EPHA6: variants seen among roughly 807,000 people sequenced by gnomAD.
The protein encoded by EPHA6 is EPH receptor A6, also known as ephrin type-A receptor 6.
Under a neutral mutation model 112.0 loss-of-function variants are expected in EPHA6, and 50 were observed. That is an observed-to-expected ratio of 0.45 (90% CI 0.36 to 0.56). The LOEUF (loss-of-function observed/expected upper bound fraction) is 0.56. EPHA6 is among the 20% of genes least tolerant of loss of function. The probability of loss-of-function intolerance (pLI) is 0.00; values close to 1 mark genes in which losing one functional copy is unlikely to be tolerated. For synonymous variants in EPHA6, 529 were observed against 490.7 expected (o/e 1.08, Z -1.03); for missense variants, 1,280 against 1,417.4 (o/e 0.90, Z 1.56).
intron 2 of EPHA6, among the ~76,000 whole-genome samples, chr3:96,975,952 G>A (rs1201642666): frequency 6.6e-6 from 1 of 151,966 alleles, no homozygotes; most frequent in African/African-American, 2.4e-5. Context: ...TTCTTAAAAA[G>A]CATACATGTG....
At chr3:97,020,058 G>T (rs1356238551) in intron 3 of EPHA6, among the ~76,000 whole-genome samples, 1 of 152,156 alleles carries the variant, frequency 6.6e-6, no homozygotes. Context: ...AGTCTAAGTT[G>T]TAGTATGCCA....
chr3:97,388,197 G>A (rs1252052524), intron 5 of EPHA6, among the ~76,000 whole-genome samples: 2 of 152,146 alleles, frequency 1.3e-5, no homozygotes, highest in Non-Finnish European at 2.9e-5. Flanking sequence ...TTTGATACAT[G>A]TATTTCAGTC....
chr3:97,501,832 T>A (rs1190556076), intron 10 of EPHA6, among the ~76,000 whole-genome samples: 3 of 151,876 alleles, frequency 2.0e-5, no homozygotes, highest in African/African-American at 7.3e-5. Flanking sequence ...ATGGTAAAGA[T>A]AAGATCAAAA....
chr3:97,580,126 A>G (rs984148085), intron 11 of EPHA6, among the ~76,000 whole-genome samples: 1 of 152,218 alleles, frequency 6.6e-6, no homozygotes, highest in African/African-American at 2.4e-5. Context: ...ATAATTTGTT[A>G]AATAATACTT....
intron 14 of EPHA6, among the ~76,000 whole-genome samples, chr3:97,699,600 C>T (rs972988768): frequency 5.3e-5 from 8 of 152,126 alleles, no homozygotes; most frequent in Admixed American, 1.3e-4. Context: ...TTTACTGCAC[C>T]GTGTGGTGGG....
chr3:96,898,075 C>T (rs2038380905), intron 2 of EPHA6, among the ~76,000 whole-genome samples: 1 of 152,028 alleles, frequency 6.6e-6, no homozygotes, highest in East Asian at 1.9e-4. Flanking sequence ...TTTAAGAAAT[C>T]AATGTTGTTG....
intron 2 of EPHA6, among the ~76,000 whole-genome samples, chr3:96,878,339 T>TGA (rs939898986): frequency 6.6e-6 from 1 of 150,748 alleles, no homozygotes; most frequent in African/African-American, 2.4e-5. Context: ...ACAGAAAGAT[T>TGA]GAGAGAGAGA....
intron 6 of EPHA6, among the ~76,000 whole-genome samples, chr3:97,442,919 C>T (rs2090188289): frequency 6.6e-6 from 1 of 152,072 alleles, no homozygotes; most frequent in Non-Finnish European, 1.5e-5. Flanking sequence ...TGTGAAATAT[C>T]TTCCTTTCAT....
At chr3:96,834,164 A>G (rs1447198052) in intron 1 of EPHA6, among the ~76,000 whole-genome samples, 1 of 152,012 alleles carries the variant, frequency 6.6e-6, no homozygotes, top group African/African-American at 2.4e-5. Context: ...GATGATGACC[A>G]TTTACATATA....
rs549868703 is a variant in EPHA6, at chr3:97,323,452, TA to T, written c.1606+79166del. 2.1e-3 allele frequency among the ~76,000 whole-genome samples: 320 copies of T among 151,916 alleles called. 5 individuals are homozygous for T. Among genetic ancestry groups the T allele is most frequent in the African/African-American group, 7.3e-3 (302 of 41,388 alleles). ...TTGAGAATGAGGGATGGAAGAATAT[TA>T]GGGGGGATGGGTGGATACCTCATTT... On this transcript the variant is annotated intron_variant, in intron 5 of 17. Transcript: ENST00000389672.
chr3:96,855,587 C>T (rs986195642), intron 1 of EPHA6, among the ~76,000 whole-genome samples: 2 of 150,904 alleles, frequency 1.3e-5, no homozygotes, highest in Non-Finnish European at 2.9e-5. Context: ...GTATCTGAAG[C>T]ATAGAGGGAA....
chr3:97,540,683 A>G (rs769412016), intron 11 of EPHA6, among the ~76,000 whole-genome samples: 7 of 152,208 alleles, frequency 4.6e-5, no homozygotes, highest in Non-Finnish European at 1.0e-4. Context: ...TCTAGTAACA[A>G]GTTTCTCAGT....
rs369106551 is a variant in EPHA6, at chr3:97,610,852, C to T, written c.2572C>T (p.Arg858Trp). 5.0e-6 allele frequency: 8 copies of T among 1,607,936 alleles called. No individual in the cohort carries two copies. Among genetic ancestry groups the T allele is most frequent in the Non-Finnish European group, 6.8e-6 (8 of 1,175,638 alleles). ...MENGSLDSFL[R>W]KHDGHFTVIQ... ...GAATGGATCCCTAGACTCCTTTTTG[C>T]GGGTGAGGTGTTCTTTTCTGATGGC... Residue 858 changes from arginine (R) to tryptophan (W), a missense_variant and splice_region_variant, in exon 13 of 18, where the codon CGG (arginine) becomes TGG (tryptophan). Physicochemically the swap from Arg to Trp is moderately radical, Grantham distance 101. This residue lies in a region of EPHA6 where 878 missense variants were observed against 999.7 expected (regional missense o/e 0.88). Coordinates refer to ENST00000389672, the MANE Select transcript of EPHA6 (RefSeq NM_001080448.3).
intron 12 of EPHA6, among the ~76,000 whole-genome samples, chr3:97,593,377 T>C (rs2093561690): frequency 6.6e-6 from 1 of 152,180 alleles, no homozygotes; most frequent in Admixed American, 6.5e-5. Context: ...TTACAATTTG[T>C]TTCTTCCCTG....
At chr3:96,995,327 G>T (rs2043380475) in intron 3 of EPHA6, among the ~76,000 whole-genome samples, 1 of 151,858 alleles carries the variant, frequency 6.6e-6, no homozygotes, top group Admixed American at 6.6e-5. Flanking sequence ...GTAAGATTGG[G>T]ATCAGAAAAA....
At chr3:97,354,045 A>T (rs939889832) in intron 5 of EPHA6, among the ~76,000 whole-genome samples, 1 of 152,220 alleles carries the variant, frequency 6.6e-6, no homozygotes, top group Non-Finnish European at 1.5e-5. Flanking sequence ...GCCTCTATGA[A>T]CCTGTAAGAG....
chr3:97,553,520 A>G (rs1274270999), intron 11 of EPHA6, among the ~76,000 whole-genome samples: 1 of 152,148 alleles, frequency 6.6e-6, no homozygotes, highest in African/African-American at 2.4e-5. Context: ...AGCAAGGCAC[A>G]TCTTACATGG....
intron 2 of EPHA6, among the ~76,000 whole-genome samples, chr3:96,917,680 C>T (rs72916439): frequency 0.015 from 2,347 of 151,950 alleles, 60 homozygotes; most frequent in African/African-American, 0.047. Context: ...AGACTTGGAC[C>T]CCTAAAAGCA....
chr3:97,367,185 A>G (rs75152368), intron 5 of EPHA6, among the ~76,000 whole-genome samples: 3,210 of 152,302 alleles, frequency 0.021, 110 homozygotes, highest in African/African-American at 0.071. Context: ...TTTGAAATCT[A>G]TTGTGTTACA....
Sources: gnomAD v4.1 joint callset for allele counts (sites outside exome capture counted in the v4.1 genomes callset) on GRCh38, gnomAD v4.1.1 for gene constraint, gnomAD v4.1.1 regional missense constraint, MANE v1.5 for transcripts, NCBI Gene and HGNC (gene_info 2026-07-23, HGNC 2026-07-21) for gene names.